UBE2U: variants seen among roughly 807,000 people sequenced by gnomAD.
The protein encoded by UBE2U is ubiquitin conjugating enzyme E2 U.
In UBE2U, 39 loss-of-function variants were observed where a neutral mutation model predicts 41.2. The ratio of observed to expected loss-of-function variants is 0.95; its 90% CI spans 0.73 to 1.24. The LOEUF (loss-of-function observed/expected upper bound fraction) is 1.24, where lower values mean the gene tolerates loss of function less well. Among genes scored for constraint, UBE2U ranks in the 50% most tolerant of loss-of-function variants. The pLI is 0.00. For missense variants in UBE2U, 336 were observed against 363.1 expected (o/e 0.93, Z 0.61); for synonymous variants, 107 against 117.8 (o/e 0.91, Z 0.60).
intron 8 of UBE2U, among the ~76,000 whole-genome samples, chr1:64,250,626 T>C (rs12748042): frequency 0.17 from 25,282 of 151,774 alleles, 2,419 homozygotes; most frequent in East Asian, 0.42. Flanking sequence ...ATGTTTAGTG[T>C]GGCACTATTC....
At chr1:64,223,221 G>C (rs985950549) in intron 6 of UBE2U, among the ~76,000 whole-genome samples, 1 of 152,204 alleles carries the variant, frequency 6.6e-6, no homozygotes, top group East Asian at 1.9e-4. Context: ...TTCTAGCATT[G>C]GAAGCCCTCT....
intron 7 of UBE2U, among the ~76,000 whole-genome samples, chr1:64,239,157 A>AAGAAGAAGAAAG: frequency 2.7e-5 from 1 of 37,058 alleles, no homozygotes; most frequent in South Asian, 1.3e-3. Context: ...GAAGAAGAAG[A>AAGAAGAAGAAAG]AAGAAGAAGA....
At chr1:64,266,005 G>A (rs1226060123) in intron 9 of UBE2U, among the ~76,000 whole-genome samples, 1 of 152,110 alleles carries the variant, frequency 6.6e-6, no homozygotes, top group Non-Finnish European at 1.5e-5. Context: ...AAACATATGA[G>A]GCAAACAAAA....
chr1:64,239,157 A>AAGGAAGAAGAAGAAGAAG, intron 7 of UBE2U, among the ~76,000 whole-genome samples: 5 of 37,056 alleles, frequency 1.3e-4, no homozygotes, highest in Non-Finnish European at 2.3e-4. Context: ...GAAGAAGAAG[A>AAGGAAGAAGAAGAAGAAG]AAGAAGAAGA....
chr1:64,221,176 A>G (rs1188767546), intron 6 of UBE2U, among the ~76,000 whole-genome samples: 2 of 152,146 alleles, frequency 1.3e-5, no homozygotes, highest in Non-Finnish European at 2.9e-5. Flanking sequence ...CAATGGCGCA[A>G]TCTCAGCTCA....
At chr1:64,259,173 GT>G (rs1419004992) in intron 8 of UBE2U, among the ~76,000 whole-genome samples, 3 of 152,006 alleles carry the variant, frequency 2.0e-5, no homozygotes, top group Admixed American at 6.6e-5. Context: ...GGGGTTGTTT[GT>G]TTTTTTCTTA....
At chr1:64,228,300 TCA>T (rs1267785299) in intron 6 of UBE2U, among the ~76,000 whole-genome samples, 1 of 152,190 alleles carries the variant, frequency 6.6e-6, no homozygotes, top group African/African-American at 2.4e-5. Flanking sequence ...GTCAGTCCCA[TCA>T]GAGTGTATGG....
In UBE2U at chr1:64,241,664, C is replaced by T; in HGVS notation, c.608C>T (p.Pro203Leu). ...ATTCTAATTTCAGTGCTCAAAGTTC[C>T]AAATTTCATTGGACAGTATTACAAA... ...EYYRTPLLKVPNFIGQYYKWK... is the reference protein window; with the variant it reads ...EYYRTPLLKVLNFIGQYYKWK... The change falls in exon 8 of 10, where the codon CCA becomes CTA. Residue 203 changes from proline to leucine, a missense_variant. Coordinates refer to ENST00000371077, the MANE Select transcript of UBE2U (RefSeq NM_001366232.2). 6.2e-7 allele frequency: 1 copy of T among 1,604,852 alleles called. No homozygotes were observed. The highest frequency in any genetic ancestry group is 8.5e-7 in the Non-Finnish European group (1 of 1,176,762).
chr1:64,221,858 G>A lies in UBE2U; in HGVS notation c.506+951G>A, dbSNP rs1365251053. Reference sequence around the variant, plus strand: ...TCCCAGCACTTTGGGAGGCCAAGGCGGGTGGATCAGGAGGTCAGAAGATCG... The same window carrying A: ...TCCCAGCACTTTGGGAGGCCAAGGCAGGTGGATCAGGAGGTCAGAAGATCG... On this transcript the variant is annotated intron_variant, in intron 6 of 9. Transcript: ENST00000371077. 5.3e-5 allele frequency among the ~76,000 whole-genome samples: 8 copies of A among 152,080 alleles called. No individual in the cohort carries two copies. In the East Asian group the frequency reaches 1.4e-3, roughly 26 times the overall value.
intron 3 of UBE2U, among the ~76,000 whole-genome samples, chr1:64,208,808 A>G (rs2100252398): frequency 6.6e-6 from 1 of 152,274 alleles, no homozygotes; most frequent in South Asian, 2.1e-4. Context: ...TCATTGCTAT[A>G]TCCTTAGAAT....
chr1:64,220,745 A>G (rs181835367), intron 5 of UBE2U, 114 bp from the exon 6 acceptor site: 1 of 829,588 alleles, frequency 1.2e-6, no homozygotes, highest in South Asian at 1.7e-5. Flanking sequence ...GAGATTTTAT[A>G]TCTTATTTTT....
chr1:64,241,536 G>C, intron 7 of UBE2U, 116 bp from the exon 8 acceptor site: 2 of 699,800 alleles, frequency 2.9e-6, no homozygotes, highest in Non-Finnish European at 4.9e-6. Context: ...GAATTATATA[G>C]TGCATGTTAT....
intron 5 of UBE2U, among the ~76,000 whole-genome samples, chr1:64,216,100 T>C (rs1651992504): frequency 6.6e-6 from 1 of 152,194 alleles, no homozygotes; most frequent in Non-Finnish European, 1.5e-5. Context: ...GCTAGGTCTG[T>C]ATAATTGTGA....
Position 64,229,252 on chromosome 1 carries a change from C to T in UBE2U, c.507-3309C>T, listed in dbSNP as rs1168929520. The stretch of plus-strand genomic sequence containing the variant: ...TCAGGTGATCCTCTCGCCTCAGTAC[C>T]AAATATGGTTTTCAAGCAGAGGTAT... On this transcript the variant is annotated intron_variant, in intron 6 of 9. Transcript: ENST00000371077. Among the ~76,000 whole-genome samples the T allele has an allele frequency of 2.0e-5, 3 of 151,950 alleles. No individual in the cohort carries two copies. In the East Asian group the frequency reaches 5.8e-4, roughly 29 times the overall value.
rs148932624 is a variant in UBE2U, at chr1:64,253,118, T to C, written c.678-7485T>C. 9.2e-5 allele frequency among the ~76,000 whole-genome samples: 14 copies of C among 152,184 alleles called. No homozygotes were observed. The East Asian group carries it at 2.7e-3, about 29-fold the overall frequency. On this transcript the variant is annotated intron_variant, in intron 8 of 9. Coordinates refer to ENST00000371077, the MANE Select transcript of UBE2U (RefSeq NM_001366232.2). The stretch of plus-strand genomic sequence containing the variant: ...ACAACTTTAGAACTTCACAACGCAA[T>C]CACAAGTATCAATAGCAGAATAGAT...
chr1:64,206,720 A>G (rs1651318912), intron 2 of UBE2U, 44 bp from the exon 3 acceptor site: 3 of 1,212,102 alleles, frequency 2.5e-6, no homozygotes, highest in Non-Finnish European at 3.6e-6. Flanking sequence ...CAGTTAATCA[A>G]TAAACATGAC....
At chr1:64,211,209 C>A (rs1372642238) in intron 4 of UBE2U, among the ~76,000 whole-genome samples, 1 of 152,176 alleles carries the variant, frequency 6.6e-6, no homozygotes, top group African/African-American at 2.4e-5. Flanking sequence ...ACCTTGCCTT[C>A]CTGAGAGAGG....
chr1:64,235,000 T>C (rs192429309), intron 7 of UBE2U, among the ~76,000 whole-genome samples: 19 of 152,012 alleles, frequency 1.2e-4, no homozygotes, highest in Middle Eastern at 6.8e-3. Flanking sequence ...TGTAAATATA[T>C]AGGGCCACTT....
At chr1:64,222,862 C>G (rs1472950971) in intron 6 of UBE2U, among the ~76,000 whole-genome samples, 1 of 152,160 alleles carries the variant, frequency 6.6e-6, no homozygotes, top group Non-Finnish European at 1.5e-5. Context: ...AAAGATATAT[C>G]CAGGCAGTTG....
Sources: gnomAD v4.1 joint callset for allele counts (sites outside exome capture counted in the v4.1 genomes callset) on GRCh38, gnomAD v4.1.1 for gene constraint, MANE v1.5 for transcripts, NCBI Gene and HGNC (gene_info 2026-07-23, HGNC 2026-07-21) for gene names.